The following UBE2N variants were observed in gnomAD, a reference collection of about 807,000 sequenced individuals.
UBE2N encodes the protein ubiquitin conjugating enzyme E2 N, also known as ubiquitin-conjugating enzyme E2 N.
For synonymous variants in UBE2N, 70 were observed against 69.2 expected, an observed-to-expected ratio of 1.01 and a Z score of -0.06; for missense variants, 60 against 192.1, an observed-to-expected ratio of 0.31 and a Z score of 4.07.
rs112895411 is a variant in UBE2N at position 93,419,601 on chromosome 12, G to T, written c.31-8302C>A. Among the ~76,000 whole-genome samples, 89 of 152,252 alleles carry T rather than the reference G, an allele frequency of 5.8e-4. 2 individuals are homozygous for T. Among genetic ancestry groups the T allele is most frequent in the Middle Eastern group, 6.8e-3 (2 of 294 alleles). The stretch of plus-strand genomic sequence containing the variant: ...CTGAGGAACTATTTTAATTTTTACA[G>T]TACACACTACCCCCTAGTGGACATA... On this transcript the variant is annotated intron_variant, in intron 1 of 3. Transcript: ENST00000318066.
At chr12:93,434,719 A>T (rs1420220862) in intron 1 of UBE2N, among the ~76,000 whole-genome samples, 4 of 151,822 alleles carry the variant, frequency 2.6e-5, no homozygotes, top group Non-Finnish European at 5.9e-5. Flanking sequence ...GTCATACGTT[A>T]AAAAAAATAG....
intron 1 of UBE2N, among the ~76,000 whole-genome samples, chr12:93,440,571 A>T (rs1879068874): frequency 6.6e-6 from 1 of 152,228 alleles, no homozygotes; most frequent in Non-Finnish European, 1.5e-5. Context: ...CTCGAAGCCT[A>T]ACAGGTCTTC....
intron 1 of UBE2N, among the ~76,000 whole-genome samples, chr12:93,439,521 A>G (rs562519370): frequency 4.6e-5 from 7 of 152,326 alleles, no homozygotes; most frequent in African/African-American, 1.7e-4. Context: ...AAGATCACCC[A>G]GAAATAAAAC....
intron 1 of UBE2N, among the ~76,000 whole-genome samples, chr12:93,436,788 T>G (rs1401627742): frequency 6.6e-6 from 1 of 152,144 alleles, no homozygotes; most frequent in Non-Finnish European, 1.5e-5. Context: ...CTAAAAGAGC[T>G]TTGGTCCAGA....
chr12:93,430,792 A>AATAT (rs1878739019), intron 1 of UBE2N, among the ~76,000 whole-genome samples: 2 of 147,982 alleles, frequency 1.4e-5, no homozygotes, highest in Admixed American at 1.4e-4. Flanking sequence ...TATTGTACAT[A>AATAT]ATATATATTT....
chr12:93,429,777 G>GT (rs1878703155), intron 1 of UBE2N, among the ~76,000 whole-genome samples: 1 of 151,738 alleles, frequency 6.6e-6, no homozygotes, highest in South Asian at 2.1e-4. Flanking sequence ...TCACAAAAAA[G>GT]TTTTTTTAAA....
intron 1 of UBE2N, among the ~76,000 whole-genome samples, chr12:93,431,810 C>T (rs1878780542): frequency 6.6e-6 from 1 of 152,208 alleles, no homozygotes; most frequent in Admixed American, 6.5e-5. Flanking sequence ...CCATCACATA[C>T]TATATTTCTA....
chr12:93,423,641 A>G (rs539348409), intron 1 of UBE2N, among the ~76,000 whole-genome samples: 2 of 152,330 alleles, frequency 1.3e-5, no homozygotes, highest in South Asian at 2.1e-4. Context: ...TACCAATGTG[A>G]TATGTGACCA....
At position 93,411,108 on chromosome 12, in the gene UBE2N, T is replaced by C; in HGVS notation, c.222A>G (p.Lys74=). 6.2e-7 allele frequency: 1 copy of C among 1,614,214 alleles called. No individual in the cohort carries two copies. The highest frequency in any genetic ancestry group is 8.5e-7 in the Non-Finnish European group (1 of 1,180,040). ...MAAPKVRFMT[K]IYHPNVDKLG... ...ACTTGTCTACATTAGGATGATAAAT[T>C]TTGGTCATGAAACGTACTTTAGGGG... The change falls in exon 2 of 4, where the codon AAA becomes AAG. Residue 74 remains lysine, a synonymous_variant. Coordinates refer to ENST00000318066, the MANE Select transcript of UBE2N (RefSeq NM_003348.4).
chr12:93,427,004 C>T lies in UBE2N; in HGVS notation c.30+14851G>A, dbSNP rs549402537. The stretch of plus-strand genomic sequence containing the variant: ...GCACGATCTCGGCTCACTGCAGCCT[C>T]TGCTTCCCAGGTTGAAGCAATTCTC... On this transcript the variant is annotated intron_variant, in intron 1 of 3. Coordinates refer to ENST00000318066, the MANE Select transcript of UBE2N (RefSeq NM_003348.4). Among the ~76,000 whole-genome samples the T allele has an allele frequency of 7.2e-5, 11 of 152,234 alleles. No homozygotes were observed. In the East Asian group the frequency reaches 2.1e-3, roughly 29 times the overall value.
In UBE2N at chr12:93,409,860, G is replaced by A. The variant is rs566129028; in HGVS notation, c.*179C>T. Reference sequence around the variant, plus strand: ...CTTCTAGCCTCTGCTCATGCTTTATGACAGTGAATCAGGACAAGACATAGA... The same window carrying A: ...CTTCTAGCCTCTGCTCATGCTTTATAACAGTGAATCAGGACAAGACATAGA... On this transcript the variant is annotated 3_prime_UTR_variant, in exon 4 of 4. Transcript: ENST00000318066. 8.4e-5 allele frequency: 54 copies of A among 646,408 alleles called. No homozygotes were observed. In the African/African-American group the frequency reaches 9.4e-4, roughly 11 times the overall value. The allele number at this position is 646,408 out of a possible 1,614,324, so 40.0% of individuals were successfully genotyped here.
chr12:93,440,863 T>G (rs1457679115), intron 1 of UBE2N, among the ~76,000 whole-genome samples: 2 of 152,216 alleles, frequency 1.3e-5, no homozygotes, highest in Non-Finnish European at 2.9e-5. Context: ...CATACATACT[T>G]GTCAAAACAC....
At chr12:93,426,344 C>G (rs1028862746) in intron 1 of UBE2N, among the ~76,000 whole-genome samples, 2 of 141,306 alleles carry the variant, frequency 1.4e-5, no homozygotes, top group African/African-American at 5.5e-5. Context: ...GGAATCAGTT[C>G]TTGCTAGCAA....
In UBE2N at chr12:93,406,197, G is replaced by C. The variant is rs1296136214; in HGVS notation, c.*3842C>G. ...GCAGGAGAATCGCTTGAACGCGGGA[G>C]GCAGAACCTGCAGTGAGCCAAGATC... On this transcript the variant is annotated 3_prime_UTR_variant, in exon 4 of 4. Transcript: ENST00000318066. The C allele has an allele frequency of 2.1e-5, 3 of 144,370 alleles. No individual in the cohort carries two copies. The highest frequency in any genetic ancestry group is 4.5e-5 in the Non-Finnish European group (3 of 67,344). 8.9% of individuals were successfully genotyped at this position (144,370 alleles called of 1,614,324 possible).
chr12:93,416,376 GA>G (rs1565792770), intron 1 of UBE2N, among the ~76,000 whole-genome samples: 2 of 151,882 alleles, frequency 1.3e-5, no homozygotes, highest in Non-Finnish European at 2.9e-5. Context: ...TTCTTTGGTG[GA>G]AAGACAGAGT....
chr12:93,416,962 T>C (rs1878237639), intron 1 of UBE2N, among the ~76,000 whole-genome samples: 2 of 152,104 alleles, frequency 1.3e-5, no homozygotes, highest in African/African-American at 2.4e-5. Flanking sequence ...GATTCTATTA[T>C]GTTTAAAAGC....
chr12:93,422,712 G>A (rs1186130151), intron 1 of UBE2N, among the ~76,000 whole-genome samples: 2 of 151,830 alleles, frequency 1.3e-5, no homozygotes, highest in African/African-American at 4.8e-5. Flanking sequence ...AAAAAATGAT[G>A]TAGATTGTGG....
rs1196194641 is a variant in UBE2N at position 93,406,681 on chromosome 12, C to T, written c.*3358G>A. ...CCTTAAACAATAGTGTAACTATTTA[C>T]ATAGCACTTACATTATAATAGGTAT... is the stretch of plus-strand genomic sequence containing the variant. On this transcript the variant is annotated 3_prime_UTR_variant, in exon 4 of 4. Coordinates refer to ENST00000318066, the MANE Select transcript of UBE2N (RefSeq NM_003348.4). 6.6e-6 allele frequency: 1 copy of T among 152,186 alleles called. No homozygotes were observed. Among genetic ancestry groups the T allele is most frequent in the Non-Finnish European group, 1.5e-5 (1 of 68,032 alleles). 9.4% of individuals were successfully genotyped at this position (152,186 alleles called of 1,614,324 possible).
At chr12:93,434,897 T>TTTAC (rs1878886507) in intron 1 of UBE2N, among the ~76,000 whole-genome samples, 1 of 151,846 alleles carries the variant, frequency 6.6e-6, no homozygotes, top group African/African-American at 2.4e-5. Context: ...TTTGTATTTA[T>TTTAC]TTATTTATTT....
Sources: gnomAD v4.1 joint callset for allele counts (sites outside exome capture counted in the v4.1 genomes callset) on GRCh38, gnomAD v4.1.1 for gene constraint, MANE v1.5 for transcripts, NCBI Gene and HGNC (gene_info 2026-07-23, HGNC 2026-07-21) for gene names.